STX12: variants seen among roughly 807,000 people sequenced by gnomAD.
The protein encoded by STX12 is syntaxin 12, also known as syntaxin-12.
A neutral mutation model predicts 42.2 loss-of-function variants in STX12; 17 were observed. The observed-to-expected ratio is 0.40, with a 90% CI of 0.28 to 0.60. The LOEUF is 0.60. Among genes scored for constraint, STX12 ranks in the 20% least tolerant of loss-of-function variants. The pLI is 0.39. For missense variants in STX12, 297 were observed against 330.9 expected (o/e 0.90, Z 0.79); for synonymous variants, 108 against 116.7 (o/e 0.93, Z 0.48).
At chr1:27,801,423 AAAG>A (rs946631761) in intron 3 of STX12, among the ~76,000 whole-genome samples, 18 of 152,104 alleles carry the variant, frequency 1.2e-4, no homozygotes, top group Middle Eastern at 6.8e-3. Flanking sequence ...AAAAAAAAAA[AAAG>A]AAGAAGAAGT....
chr1:27,824,310 G>A lies in STX12; in HGVS notation c.*1981G>A, dbSNP rs1407942734. 6.6e-6 allele frequency: 1 copy of A among 152,182 alleles called. No individual in the cohort carries two copies. The highest frequency in any genetic ancestry group is 1.9e-4 in the East Asian group (1 of 5,198). The allele number at this position is 152,182 out of a possible 1,614,324, so 9.4% of individuals were successfully genotyped here. A position where few individuals can be genotyped will look rare whatever the true frequency, so the allele number is the denominator to read the frequency against. On this transcript the variant is annotated 3_prime_UTR_variant, in exon 9 of 9. Coordinates refer to ENST00000373943, the MANE Select transcript of STX12 (RefSeq NM_177424.3). ...GACCATGCTTTTGTTCTGTAATACTGTGTGACCTGTGGTTGTTGTAATGGT... is the reference window on the plus strand; with the variant it reads ...GACCATGCTTTTGTTCTGTAATACTATGTGACCTGTGGTTGTTGTAATGGT...
At position 27,822,287 on chromosome 1, in the gene STX12, A is replaced by T; in HGVS notation, c.789A>T (p.Leu263=). The change falls in exon 9 of 9, where the codon CTA becomes CTT. Residue 263 remains leucine (L), a synonymous_variant. Transcript: ENST00000373943. ...TGCTTGTCCTGTCAGTGATTATTCT[A>T]ATCTTGGGACTTATTATCTGGCTAG... The part of the protein sequence containing the change: ...ILVLVLSVII[L]ILGLIIWLVY... 1 of 1,613,700 alleles carries T rather than the reference A, an allele frequency of 6.2e-7. No homozygotes were observed. The highest frequency in any genetic ancestry group is 8.5e-7 in the Non-Finnish European group (1 of 1,179,616).
intron 4 of STX12, 161 bp from the exon 5 acceptor site, chr1:27,810,085 A>C: frequency 1.6e-6 from 1 of 609,902 alleles, no homozygotes; most frequent in Non-Finnish European, 2.9e-6. Context: ...CTTTACACCC[A>C]CTTCTTAGTT....
chr1:27,792,145 T>TATATATGTGTATCTATATATGTATATAC (rs2088747549), intron 2 of STX12, among the ~76,000 whole-genome samples: 1 of 103,180 alleles, frequency 9.7e-6, no homozygotes, highest in Non-Finnish European at 1.6e-5. Flanking sequence ...TGTATATATC[T>TATATATGTGTATCTATATATGTATATAC]ATATATGTGT....
Position 27,794,373 on chromosome 1 carries a change from CTT to C in STX12, c.288+743_288+744del, listed in dbSNP as rs540043884. Among the ~76,000 whole-genome samples the C allele has an allele frequency of 1.2e-4, 19 of 152,294 alleles. No individual in the cohort carries two copies. The East Asian group carries it at 2.3e-3, about 19-fold the overall frequency. ...TTATCTTTACATTTTAATGAAACAT[CTT>C]TCTTTCATGTTTTGCAGTTACCTTC... is the stretch of plus-strand genomic sequence containing the variant. On this transcript the variant is annotated intron_variant, in intron 3 of 8. Transcript: ENST00000373943.
rs1421868600 is a variant in STX12 at position 27,822,431 on chromosome 1, G to T, written c.*102G>T. The stretch of plus-strand genomic sequence containing the variant: ...ACAAGAAGACAGCATATATCAGAAC[G>T]TCCTGTAATCATTTAGTTAGAAACT... On this transcript the variant is annotated 3_prime_UTR_variant, in exon 9 of 9. Coordinates refer to ENST00000373943, the MANE Select transcript of STX12 (RefSeq NM_177424.3). The T allele has an allele frequency of 2.9e-5, 22 of 751,260 alleles. No homozygotes were observed. The highest frequency in any genetic ancestry group is 5.2e-5 in the Non-Finnish European group (22 of 420,824). 46.5% of individuals were successfully genotyped at this position (751,260 alleles called of 1,614,324 possible).
rs1396633805 is a variant in STX12 at position 27,823,097 on chromosome 1, A to G, written c.*768A>G. 1.3e-5 allele frequency: 2 copies of G among 152,254 alleles called. No homozygotes were observed. The highest frequency in any genetic ancestry group is 2.9e-5 in the Non-Finnish European group (2 of 68,048). 9.4% of individuals were successfully genotyped at this position (152,254 alleles called of 1,614,324 possible). A position where few individuals can be genotyped will look rare whatever the true frequency, so the allele number is the denominator to read the frequency against. The stretch of plus-strand genomic sequence containing the variant: ...CTCCCACCTGTCTGCATAGAAAGGC[A>G]GAATTAGACATAGCATGCTTTGGAA... On this transcript the variant is annotated 3_prime_UTR_variant, in exon 9 of 9. Transcript: ENST00000373943.
Position 27,785,087 on chromosome 1 carries a change from A to G in STX12, c.119-4475A>G, listed in dbSNP as rs892683981. Among the ~76,000 whole-genome samples the G allele has an allele frequency of 3.3e-5, 5 of 152,346 alleles. No individual in the cohort carries two copies. In the South Asian group the frequency reaches 1.0e-3, roughly 32 times the overall value. On this transcript the variant is annotated intron_variant, in intron 1 of 8. Transcript: ENST00000373943. Reference sequence around the variant, plus strand: ...TCTGTAGCTTATTTAATAAATTTTGATAGATGATTAATAACTTGATACTTT... The same window carrying G: ...TCTGTAGCTTATTTAATAAATTTTGGTAGATGATTAATAACTTGATACTTT...
In STX12 at chr1:27,773,305, G is replaced by GCCGGA; in HGVS notation, c.-3_-2insCCGGA. The GCCGGA allele has an allele frequency of 6.3e-7, 1 of 1,579,248 alleles. No homozygotes were observed. Among genetic ancestry groups the GCCGGA allele is most frequent in the South Asian group, 1.1e-5 (1 of 87,492 alleles). On this transcript the variant is annotated 5_prime_UTR_variant, in exon 1 of 9. Transcript: ENST00000373943. The stretch of plus-strand genomic sequence containing the variant: ...TAGAGCGAGCAGGTCTCAGCTCCTC[G>GCCGGA]TCATGTCATACGGTCCCTTAGACAT...
At chr1:27,822,183 A>C in intron 8 of STX12, 48 bp from the exon 9 acceptor site, 1 of 1,188,300 alleles carries the variant, frequency 8.4e-7, no homozygotes, top group Non-Finnish European at 1.3e-6. Flanking sequence ...TACACATACA[A>C]ATTTTACTTG....
At chr1:27,789,213 AT>A (rs942418620) in intron 1 of STX12, among the ~76,000 whole-genome samples, 5 of 149,702 alleles carry the variant, frequency 3.3e-5, no homozygotes, top group South Asian at 2.1e-4. Context: ...ATTTGACTTG[AT>A]TTTTTTTTTA....
At position 27,773,238 on chromosome 1, in the gene STX12, T is replaced by G; in HGVS notation, c.-70T>G. On this transcript the variant is annotated 5_prime_UTR_variant, in exon 1 of 9. Coordinates refer to ENST00000373943, the MANE Select transcript of STX12 (RefSeq NM_177424.3). ...GCTCTTCCCAGTTTCTCCGTCAGCC[T>G]GCGGGTCCCGGCTGGCGGCTGCTTC... The G allele has an allele frequency of 9.7e-7, 1 of 1,033,554 alleles. No individual in the cohort carries two copies. Among genetic ancestry groups the G allele is most frequent in the Non-Finnish European group, 1.5e-6 (1 of 684,722 alleles). The allele number at this position is 1,033,554 out of a possible 1,614,324, so 64.0% of individuals were successfully genotyped here. A position where few individuals can be genotyped will look rare whatever the true frequency, so the allele number is the denominator to read the frequency against.
intron 1 of STX12, among the ~76,000 whole-genome samples, chr1:27,788,920 G>A (rs1227314530): frequency 6.6e-6 from 1 of 152,102 alleles, no homozygotes; most frequent in Non-Finnish European, 1.5e-5. Flanking sequence ...GCTGAGGCAG[G>A]AGAATGGCAT....
At chr1:27,820,088 TG>T (rs1312762545) in intron 8 of STX12, 2 of 164,398 alleles carry the variant, frequency 1.2e-5, no homozygotes, top group African/African-American at 4.8e-5. Flanking sequence ...TTCTTTATGT[TG>T]AGTGTTGCCA....
At chr1:27,817,466 C>T (rs1203668295) in intron 6 of STX12, among the ~76,000 whole-genome samples, 1 of 152,192 alleles carries the variant, frequency 6.6e-6, no homozygotes, top group Non-Finnish European at 1.5e-5. Flanking sequence ...CATTTAAATT[C>T]TGTAGTCCAA....
At chr1:27,810,595 G>T (rs2088896246) in intron 5 of STX12, among the ~76,000 whole-genome samples, 1 of 152,174 alleles carries the variant, frequency 6.6e-6, no homozygotes, top group Non-Finnish European at 1.5e-5. Flanking sequence ...AGATTAGGAA[G>T]TCTAAGTCAT....
chr1:27,792,216 A>G lies in STX12; in HGVS notation c.189-1317A>G, dbSNP rs1288856479. On this transcript the variant is annotated intron_variant, in intron 2 of 8. Coordinates refer to ENST00000373943, the MANE Select transcript of STX12 (RefSeq NM_177424.3). ...TATGTATATACATATATATGTATCT[A>G]TATATATGTATATACATATATATGT... 1.6e-5 allele frequency among the ~76,000 whole-genome samples: 2 copies of G among 125,724 alleles called. 1 individual carries two copies. The highest frequency in any genetic ancestry group is 5.9e-5 in the African/African-American group (2 of 34,088). 82.5% of individuals were successfully genotyped at this position (125,724 alleles called of 152,430 possible).
intron 1 of STX12, among the ~76,000 whole-genome samples, chr1:27,781,645 C>A (rs908547789): frequency 6.6e-6 from 1 of 152,072 alleles, no homozygotes; most frequent in South Asian, 2.1e-4. Context: ...ATTTATAATA[C>A]AAGCAATTTT....
chr1:27,782,848 A>G lies in STX12; in HGVS notation c.119-6714A>G, dbSNP rs376916502. On this transcript the variant is annotated intron_variant, in intron 1 of 8. Transcript: ENST00000373943. The stretch of plus-strand genomic sequence containing the variant: ...CAAAGCTCTGTCTCAAAAAAATGAA[A>G]CATTTTTTAAAAAAGGTAATTTTCA... Among the ~76,000 whole-genome samples the G allele has an allele frequency of 3.3e-5, 5 of 152,270 alleles. No individual in the cohort carries two copies. In the East Asian group the frequency reaches 9.6e-4, roughly 29 times the overall value.
Sources: allele counts gnomAD v4.1 joint callset (sites outside exome capture counted in the v4.1 genomes callset), GRCh38; gene constraint gnomAD v4.1.1; transcripts MANE v1.5; gene names NCBI Gene and HGNC (gene_info 2026-07-23, HGNC 2026-07-21).